Variants in CP observed in about 807,000 individuals in gnomAD.
The protein encoded by CP is caeruloplasmin.
In CP, 64 loss-of-function variants were observed where a neutral mutation model predicts 122.4. That is an observed-to-expected ratio of 0.52 (90% confidence interval 0.43 to 0.64). The LOEUF (loss-of-function observed/expected upper bound fraction) is 0.64, where lower values mean the gene tolerates loss of function less well. Among genes scored for constraint, CP ranks in the 30% least tolerant of loss-of-function variants. The pLI, the probability that CP is intolerant of heterozygous loss-of-function variation, is 0.00. For missense variants in CP, 1,167 were observed against 1,284.4 expected (o/e 0.91, Z 1.40); for synonymous variants, 440 against 436.4 (o/e 1.01, Z -0.10).
chr3:149,214,894 G>A (rs1384381168), intron 1 of CP, among the ~76,000 whole-genome samples: 2 of 152,178 alleles, frequency 1.3e-5, no homozygotes, highest in East Asian at 1.9e-4. Context: ...CAATAAGAGT[G>A]CAATTTCAGT....
chr3:149,210,574 T>G (rs1728042074), intron 2 of CP, among the ~76,000 whole-genome samples, 195 bp from the exon 3 acceptor site: 1 of 152,146 alleles, frequency 6.6e-6, no homozygotes, highest in Non-Finnish European at 1.5e-5. Flanking sequence ...ACAGACATTT[T>G]TATTATTTTT....
In CP at chr3:149,197,932, G is replaced by T. The variant is rs375325514; in HGVS notation, c.1713+435C>A. On this transcript the variant is annotated intron_variant, in intron 9 of 18. Coordinates refer to ENST00000264613, the MANE Select transcript of CP (RefSeq NM_000096.4). ...CACCTCCTGCTGTGTGGCCCATGGGGGTGTGTGTGGGGGATGTTGGGGACC... is the reference window on the plus strand; with the variant it reads ...CACCTCCTGCTGTGTGGCCCATGGGTGTGTGTGTGGGGGATGTTGGGGACC... Among the ~76,000 whole-genome samples the T allele has an allele frequency of 6.2e-4, 94 of 152,246 alleles. 1 individual carries two copies. The highest frequency in any genetic ancestry group is 2.2e-3 in the African/African-American group (93 of 41,538).
At chr3:149,187,110 G>A (rs1409443642) in intron 10 of CP, among the ~76,000 whole-genome samples, 1 of 151,912 alleles carries the variant, frequency 6.6e-6, no homozygotes, top group African/African-American at 2.4e-5. Context: ...CTGGGAGTGT[G>A]TTGCTGTTCT....
intron 6 of CP, among the ~76,000 whole-genome samples, chr3:149,205,001 T>TCAACAA (rs146212020): frequency 0.015 from 2,296 of 151,630 alleles, 55 homozygotes; most frequent in African/African-American, 0.051. Context: ...CTCCTACAGG[T>TCAACAA]CAACAACAAC....
intron 15 of CP, among the ~76,000 whole-genome samples, chr3:149,178,938 A>G (rs1168521161): frequency 6.6e-6 from 1 of 152,230 alleles, no homozygotes; most frequent in African/African-American, 2.4e-5. Flanking sequence ...TTTGTTCCAT[A>G]AACTCATGAA....
intron 5 of CP, among the ~76,000 whole-genome samples, chr3:149,165,653 C>G (rs1042089728): frequency 1.3e-5 from 2 of 152,032 alleles, no homozygotes; most frequent in Non-Finnish European, 1.5e-5. Flanking sequence ...TACTTTCAAA[C>G]TTCTTGATTA....
chr3:149,190,581 C>T (rs569061243), intron 9 of CP, among the ~76,000 whole-genome samples: 4 of 151,388 alleles, frequency 2.6e-5, no homozygotes, highest in African/African-American at 9.7e-5. Context: ...TCACTTGAAC[C>T]CAGCAGGTGG....
rs1727355728 is a variant in CP, at chr3:149,201,983, C to T, written c.1348+119G>A. On this transcript the variant is annotated intron_variant, in intron 7 of 18. Transcript: ENST00000264613. ...CTGCTGCATTTTATTGTTTTATCTT[C>T]CACACGCCTACTTAACACATAGAAA... is the stretch of plus-strand genomic sequence containing the variant. 13 of 1,282,712 alleles carry T rather than the reference C, an allele frequency of 1.0e-5. No homozygotes were observed. In the East Asian group the frequency reaches 3.0e-4, roughly 30 times the overall value. The allele number at this position is 1,282,712 out of a possible 1,614,324, so 79.5% of individuals were successfully genotyped here.
chr3:149,211,810 T>C (rs1226753684), intron 2 of CP, among the ~76,000 whole-genome samples: 2 of 152,206 alleles, frequency 1.3e-5, no homozygotes, highest in Non-Finnish European at 2.9e-5. Flanking sequence ...TTGCCTCTTC[T>C]AGGCTCTGAT....
intron 17 of CP, 29 bp downstream of exon 17, chr3:149,177,811 C>A: frequency 6.2e-7 from 1 of 1,609,916 alleles, no homozygotes; most frequent in African/African-American, 1.3e-5. Context: ...TCAAACAGAG[C>A]AAGAGTAATT....
Position 149,198,356 on chromosome 3 carries a change from G to T in CP, c.1713+11C>A. ...AGATTGAACAATTTTTTTTTCCCCA[G>T]TTGGACTTACCTGTCTCCCATTTGC... is the stretch of plus-strand genomic sequence containing the variant. On this transcript the variant is annotated intron_variant, in intron 9 of 18. Coordinates refer to ENST00000264613, the MANE Select transcript of CP (RefSeq NM_000096.4). 6.2e-7 allele frequency: 1 copy of T among 1,607,858 alleles called. No individual in the cohort carries two copies. Among genetic ancestry groups the T allele is most frequent in the Non-Finnish European group, 8.5e-7 (1 of 1,175,702 alleles).
chr3:149,219,229 C>G (rs946921269), intron 1 of CP, among the ~76,000 whole-genome samples: 6 of 152,154 alleles, frequency 3.9e-5, no homozygotes, highest in Non-Finnish European at 8.8e-5. Context: ...GTTAAAGTCA[C>G]AGGACAATAA....
intron 3 of CP, among the ~76,000 whole-genome samples, chr3:149,209,873 A>G (rs1374324433): frequency 1.3e-5 from 2 of 152,184 alleles, no homozygotes; most frequent in African/African-American, 2.4e-5. Context: ...CATTTGGTAA[A>G]GTCATATGTC....
At chr3:149,184,654 C>CTAA (rs35165738) in intron 12 of CP, among the ~76,000 whole-genome samples, 7,626 of 152,224 alleles carry the variant, frequency 0.05, 614 homozygotes, top group African/African-American at 0.17. Context: ...TTCTGAAGCT[C>CTAA]TAATCATCCT....
At chr3:149,196,202 A>C (rs1008492958) in intron 9 of CP, among the ~76,000 whole-genome samples, 2 of 152,198 alleles carry the variant, frequency 1.3e-5, no homozygotes, top group Admixed American at 6.5e-5. Flanking sequence ...TTGTGGGATG[A>C]ATCAAATGAA....
At chr3:149,179,218 C>A (rs926109615) in intron 15 of CP, among the ~76,000 whole-genome samples, 8 of 152,156 alleles carry the variant, frequency 5.3e-5, no homozygotes, top group African/African-American at 1.9e-4. Context: ...GTCTCTTCCC[C>A]CTCCAAGCCT....
intron 13 of CP, 72 bp downstream of exon 13, chr3:149,183,394 A>G: frequency 2.0e-6 from 3 of 1,514,794 alleles, no homozygotes; most frequent in Middle Eastern, 2.4e-4. Context: ...ACCCATAGAC[A>G]TGAATTGACG....
intron 8 of CP, among the ~76,000 whole-genome samples, chr3:149,198,981 A>C (rs761014690): frequency 1.3e-5 from 2 of 152,368 alleles, no homozygotes; most frequent in South Asian, 2.1e-4. Context: ...ACTGAAAATT[A>C]CATTCCATTC....
intron 9 of CP, among the ~76,000 whole-genome samples, chr3:149,192,553 GCAAA>G (rs745689595): frequency 1.5e-4 from 23 of 150,220 alleles, no homozygotes; most frequent in African/African-American, 5.1e-4. Flanking sequence ...ATTGTCACAG[GCAAA>G]CAAACAAAAA....
Sources: gnomAD v4.1 joint callset for allele counts (sites outside exome capture counted in the v4.1 genomes callset) on GRCh38, gnomAD v4.1.1 for gene constraint, MANE v1.5 for transcripts, NCBI Gene and HGNC (gene_info 2026-07-23, HGNC 2026-07-21) for gene names.